Variants in CHCHD3 observed in about 807,000 individuals in gnomAD.
The protein encoded by CHCHD3 is coiled-coil-helix-coiled-coil-helix domain containing 3.
CHCHD3 carries 20 observed loss-of-function variants against 38.2 expected under a neutral mutation model. That is an observed-to-expected ratio of 0.52 (90% CI 0.37 to 0.76). The LOEUF (loss-of-function observed/expected upper bound fraction) is 0.76. CHCHD3 is among the 30% of genes least tolerant of loss of function. CHCHD3 has a pLI of 0.00. For missense variants in CHCHD3, 245 were observed against 279.2 expected (o/e 0.88, Z 0.87); for synonymous variants, 82 against 100.0 (o/e 0.82, Z 1.07).
At chr7:133,061,265 C>A (rs760723534) in intron 2 of CHCHD3, among the ~76,000 whole-genome samples, 2 of 151,868 alleles carry the variant, frequency 1.3e-5, no homozygotes, top group Non-Finnish European at 2.9e-5. Context: ...GGCAGGGACC[C>A]CAAGCAAGAG....
intron 5 of CHCHD3, among the ~76,000 whole-genome samples, chr7:132,863,489 G>A (rs1194500595): frequency 6.6e-6 from 1 of 152,184 alleles, no homozygotes; most frequent in Non-Finnish European, 1.5e-5. Flanking sequence ...GCATAATTCT[G>A]CAGGACCCTA....
chr7:132,832,747 TTCTA>T (rs1258430971), intron 6 of CHCHD3, among the ~76,000 whole-genome samples: 1 of 152,246 alleles, frequency 6.6e-6, no homozygotes, highest in African/African-American at 2.4e-5. Flanking sequence ...AACATCTTCT[TTCTA>T]TAGGTGTGGC....
At chr7:132,875,315 A>T (rs1356387422) in intron 5 of CHCHD3, among the ~76,000 whole-genome samples, 2 of 152,202 alleles carry the variant, frequency 1.3e-5, no homozygotes, top group African/African-American at 4.8e-5. Flanking sequence ...GGACGAACAC[A>T]TTAATTTTAA....
chr7:132,900,995 A>T (rs181181899), intron 4 of CHCHD3, among the ~76,000 whole-genome samples: 1 of 152,198 alleles, frequency 6.6e-6, no homozygotes, highest in Non-Finnish European at 1.5e-5. Context: ...CCTCTCAAAA[A>T]ACAAAAAACA....
Position 132,839,805 on chromosome 7 carries a change from C to A in CHCHD3, c.454-1336G>T, listed in dbSNP as rs180847373. On this transcript the variant is annotated intron_variant, in intron 5 of 7. Coordinates refer to ENST00000262570, the MANE Select transcript of CHCHD3 (RefSeq NM_017812.4). ...GACTCAGGGTGGCTAGAGCCATAGA[C>A]AGGTCACCATTTGAGATGATGAATG... 1.7e-3 allele frequency among the ~76,000 whole-genome samples: 262 copies of A among 152,298 alleles called. 4 individuals are homozygous for A. Among genetic ancestry groups the A allele is most frequent in the African/African-American group, 6.0e-3 (248 of 41,566 alleles).
At chr7:133,016,899 G>A (rs1452100341) in intron 3 of CHCHD3, among the ~76,000 whole-genome samples, 2 of 152,146 alleles carry the variant, frequency 1.3e-5, no homozygotes, top group African/African-American at 2.4e-5. Context: ...CCATAAACAC[G>A]GACTTCCGGA....
At chr7:132,812,581 T>C (rs1401289498) in intron 6 of CHCHD3, among the ~76,000 whole-genome samples, 1 of 152,120 alleles carries the variant, frequency 6.6e-6, no homozygotes, top group Admixed American at 6.6e-5. Context: ...CCTGGACTAT[T>C]TCAACAGCCT....
chr7:133,064,606 T>C (rs1260012254), intron 2 of CHCHD3, among the ~76,000 whole-genome samples: 2 of 152,212 alleles, frequency 1.3e-5, no homozygotes, highest in Non-Finnish European at 2.9e-5. Context: ...TTCCCAAAAT[T>C]GGCTGTTTAG....
chr7:132,907,769 G>A (rs1489003324), intron 4 of CHCHD3, among the ~76,000 whole-genome samples: 1 of 152,150 alleles, frequency 6.6e-6, no homozygotes. Context: ...ATGCCAGTAG[G>A]GAAACCATTA....
intron 4 of CHCHD3, among the ~76,000 whole-genome samples, chr7:132,959,356 G>A (rs57346306): frequency 6.6e-6 from 1 of 152,186 alleles, no homozygotes; most frequent in African/African-American, 2.4e-5. Flanking sequence ...ACTTGCTTCT[G>A]TCCTATCTTC....
intron 3 of CHCHD3, among the ~76,000 whole-genome samples, chr7:132,985,882 C>T (rs1214170707): frequency 4.1e-5 from 5 of 121,968 alleles, no homozygotes; most frequent in African/African-American, 5.9e-5. Context: ...TCTGCCCGGC[C>T]ACCACCCCGT....
chr7:133,072,802 G>A (rs945087291), intron 1 of CHCHD3, among the ~76,000 whole-genome samples: 1 of 149,152 alleles, frequency 6.7e-6, no homozygotes, highest in Non-Finnish European at 1.5e-5. Flanking sequence ...CCACAGCCTG[G>A]GCAACAGAGT....
chr7:132,984,753 G>T (rs1584620438), intron 3 of CHCHD3, among the ~76,000 whole-genome samples: 1 of 147,388 alleles, frequency 6.8e-6, no homozygotes, highest in Admixed American at 6.7e-5. Context: ...CTGGCAACCG[G>T]CCCGTCTGAG....
chr7:133,071,208 C>G (rs1259511955), intron 1 of CHCHD3, among the ~76,000 whole-genome samples: 2 of 152,186 alleles, frequency 1.3e-5, no homozygotes, highest in Non-Finnish European at 2.9e-5. Context: ...ATCTGCCTTT[C>G]ACTAGAAAGA....
chr7:133,035,938 A>G lies in CHCHD3; in HGVS notation c.170-11311T>C. 1 of 1,531,756 alleles carries G rather than the reference A, an allele frequency of 6.5e-7. No individual in the cohort carries two copies. Among genetic ancestry groups the G allele is most frequent in the South Asian group, 1.1e-5 (1 of 87,394 alleles). 94.9% of individuals were successfully genotyped at this position (1,531,756 alleles called of 1,614,324 possible). ...GCCGCCATGGTGATTCCGCAAAGAAAGGCTGGATCCAGTCTTAAAAGTGTT... is the reference window on the plus strand; with the variant it reads ...GCCGCCATGGTGATTCCGCAAAGAAGGGCTGGATCCAGTCTTAAAAGTGTT... On this transcript the variant is annotated intron_variant, in intron 2 of 7. Transcript: ENST00000262570. The surrounding 1 kb of genome is among the most constrained non-coding windows in gnomAD (Gnocchi z 4.7).
At chr7:132,816,987 T>C (rs990078810) in intron 6 of CHCHD3, among the ~76,000 whole-genome samples, 1 of 152,118 alleles carries the variant, frequency 6.6e-6, no homozygotes, top group African/African-American at 2.4e-5. Context: ...GGTTCAACTA[T>C]GACAAATGTG....
intron 7 of CHCHD3, among the ~76,000 whole-genome samples, chr7:132,786,075 C>T (rs946802028): frequency 1.3e-5 from 2 of 152,088 alleles, no homozygotes; most frequent in African/African-American, 2.4e-5. Flanking sequence ...TTACTCGAGA[C>T]GCTGAGGTGG....
At position 133,035,974 on chromosome 7, in the gene CHCHD3, G is replaced by A; in HGVS notation, c.170-11347C>T. ...AGTCTTAAAAGTGTTATCAGGTAGG[G>A]GTCCTTAGGGGAACTGTTTTAATGA... On this transcript the variant is annotated intron_variant, in intron 2 of 7. Coordinates refer to ENST00000262570, the MANE Select transcript of CHCHD3 (RefSeq NM_017812.4). The surrounding 1 kb of genome is among the most constrained non-coding windows in gnomAD (Gnocchi z 4.7). 1 of 1,198,320 alleles carries A rather than the reference G, an allele frequency of 8.3e-7. No individual in the cohort carries two copies. Among genetic ancestry groups the A allele is most frequent in the Non-Finnish European group, 1.2e-6 (1 of 821,724 alleles). The allele number at this position is 1,198,320 out of a possible 1,614,324, so 74.2% of individuals were successfully genotyped here.
At chr7:133,054,231 T>C (rs1353751938) in intron 2 of CHCHD3, among the ~76,000 whole-genome samples, 1 of 152,200 alleles carries the variant, frequency 6.6e-6, no homozygotes, top group African/African-American at 2.4e-5. Flanking sequence ...ACTTCTTCAA[T>C]GACTTGAAAC....
Sources: allele counts gnomAD v4.1 joint callset (sites outside exome capture counted in the v4.1 genomes callset), GRCh38; gene constraint gnomAD v4.1.1; non-coding constraint Gnocchi (gnomAD v3.1); transcripts MANE v1.5; gene names NCBI Gene and HGNC (gene_info 2026-07-23, HGNC 2026-07-21).